Variants in GOLGB1 observed in about 807,000 individuals in gnomAD.
GOLGB1 encodes golgin B1.
In GOLGB1, 174 loss-of-function variants were observed where a neutral mutation model predicts 336.9. That is an observed-to-expected ratio of 0.52 (90% CI 0.46 to 0.59). The LOEUF (loss-of-function observed/expected upper bound fraction) is 0.59, where lower values mean the gene tolerates loss of function less well. Among genes scored for constraint, GOLGB1 ranks in the 20% least tolerant of loss-of-function variants. The pLI, the probability that GOLGB1 is intolerant of heterozygous loss-of-function variation, is 0.00. For synonymous variants in GOLGB1, 1,208 were observed against 1,289.2 expected (o/e 0.94, Z 1.35); for missense variants, 3,331 against 3,645.3 (o/e 0.91, Z 2.22).
intron 10 of GOLGB1, among the ~76,000 whole-genome samples, 154 bp downstream of exon 10, chr3:121,714,707 T>C (rs924650614): frequency 1.9e-4 from 29 of 152,208 alleles, no homozygotes; most frequent in Admixed American, 9.8e-4. Flanking sequence ...TCATGATTCC[T>C]TTCAAATAGA....
chr3:121,715,157 C>T (rs998929640), intron 9 of GOLGB1, among the ~76,000 whole-genome samples, 181 bp from the exon 10 acceptor site: 6 of 151,260 alleles, frequency 4.0e-5, no homozygotes, highest in African/African-American at 1.5e-4. Flanking sequence ...CAAAGGACAC[C>T]TCAGTAAATC....
chr3:121,705,544 G>C (rs559531201), intron 10 of GOLGB1, among the ~76,000 whole-genome samples: 4 of 152,284 alleles, frequency 2.6e-5, no homozygotes, highest in African/African-American at 4.8e-5. Context: ...TCCAAGAAGG[G>C]GGAACATAGG....
In GOLGB1 at chr3:121,697,472, C is replaced by T; in HGVS notation, c.3051G>A (p.Leu1017=). 6.2e-7 allele frequency: 1 copy of T among 1,611,302 alleles called. No individual in the cohort carries two copies. The change falls in exon 13 of 22, where the codon TTG becomes TTA. Residue 1017 remains leucine, a synonymous_variant. Transcript: ENST00000614479. ...CTTTCAAGTTGGCTAATTCTTCTTC[C>T]AATCTACTGACTCTTTGCAGAAGCT... is the stretch of plus-strand genomic sequence containing the variant. ...RKELLQRVSR[L]EEELANLKDE...
chr3:121,693,831 A>G lies in GOLGB1; in HGVS notation c.6692T>C (p.Ile2231Thr). 2 of 1,612,450 alleles carry G rather than the reference A, an allele frequency of 1.2e-6. No individual in the cohort carries two copies. Among genetic ancestry groups the G allele is most frequent in the Admixed American group, 1.7e-5 (1 of 60,004 alleles). The stretch of plus-strand genomic sequence containing the variant: ...ACTGCAATTATCTTCTTTGAGTCTA[A>G]TTTCTTCTTCTTTGCTTTGAATCGC... Reference protein sequence around the residue: ...SDAIQSKEEEIRLKEDNCSVL... With the variant: ...SDAIQSKEEETRLKEDNCSVL... The change falls in exon 13 of 22, where the codon ATT becomes ACT. Residue 2231 changes from isoleucine to threonine, a missense_variant. Transcript: ENST00000614479.
rs1345864312 is a variant in GOLGB1, at chr3:121,696,347, T to C, written c.4176A>G (p.Leu1392=). The C allele has an allele frequency of 5.6e-6, 9 of 1,614,098 alleles. No individual in the cohort carries two copies. The Admixed American group carries it at 1.5e-4, about 27-fold the overall frequency. ...SQLQIAGLEH[L]RELQPKLDEL... ...CATCCAGTTTAGGTTGCAATTCTCT[T>C]AGATGTTCTAGGCCAGCAATTTGTA... Residue 1392 remains leucine (L), a synonymous_variant, in exon 13 of 22, where the codon CTA becomes CTG. Coordinates refer to ENST00000614479, the MANE Select transcript of GOLGB1 (RefSeq NM_001366282.2).
Position 121,714,709 on chromosome 3 carries a change from T to G in GOLGB1, c.1404+152A>C. The G allele has an allele frequency of 3.2e-6, 2 of 622,298 alleles. 1 individual carries two copies. Among genetic ancestry groups the G allele is most frequent in the South Asian group, 3.5e-5 (2 of 56,456 alleles). 38.5% of individuals were successfully genotyped at this position (622,298 alleles called of 1,614,324 possible). A position where few individuals can be genotyped will look rare whatever the true frequency, so the allele number is the denominator to read the frequency against. ...GCATTAATGCCTTTCATGATTCCTT[T>G]CAAATAGAATTGTCCTCAAAAAAGT... On this transcript the variant is annotated intron_variant, in intron 10 of 21. Coordinates refer to ENST00000614479, the MANE Select transcript of GOLGB1 (RefSeq NM_001366282.2).
At chr3:121,667,346 T>C (rs1938769873) in intron 20 of GOLGB1, 130 bp downstream of exon 20, 6 of 922,678 alleles carry the variant, frequency 6.5e-6, no homozygotes, top group Non-Finnish European at 8.2e-6. Flanking sequence ...ACAATGTTGG[T>C]AAACTCATTG....
intron 10 of GOLGB1, among the ~76,000 whole-genome samples, chr3:121,706,868 T>G (rs928189418): frequency 1.3e-5 from 2 of 151,448 alleles, no homozygotes; most frequent in South Asian, 4.2e-4. Flanking sequence ...AAAAATAATC[T>G]TTCAACAACA....
intron 10 of GOLGB1, among the ~76,000 whole-genome samples, chr3:121,703,880 C>G (rs1576372389): frequency 6.6e-6 from 1 of 151,998 alleles, no homozygotes; most frequent in Non-Finnish European, 1.5e-5. Context: ...GCTATTATAT[C>G]TATGCTTAGG....
At position 121,690,968 on chromosome 3, in the gene GOLGB1, G is replaced by T. The variant is rs779408896; in HGVS notation, c.8396C>A (p.Ser2799Tyr). 7 of 1,614,174 alleles carry T rather than the reference G, an allele frequency of 4.3e-6. No individual in the cohort carries two copies. The highest frequency in any genetic ancestry group is 5.9e-6 in the Non-Finnish European group (7 of 1,180,020). ...LLSETAFSMN[S>Y]TEENSLSHLE... The stretch of plus-strand genomic sequence containing the variant: ...GTGAGACAAGCTATTCTCCTCAGTG[G>T]AGTTCATTGAAAAGGCGGTTTCAGA... Residue 2799 changes from serine (S) to tyrosine (Y), a missense_variant, in exon 14 of 22, where the codon TCC becomes TAC. Physicochemically the swap from Ser to Tyr is moderately radical, Grantham distance 144. Transcript: ENST00000614479.
chr3:121,703,825 AT>A (rs1460750133), intron 10 of GOLGB1, among the ~76,000 whole-genome samples: 1 of 152,214 alleles, frequency 6.6e-6, no homozygotes, highest in Non-Finnish European at 1.5e-5. Flanking sequence ...TAGCCATAAA[AT>A]GATGCAGATT....
intron 1 of GOLGB1, among the ~76,000 whole-genome samples, chr3:121,735,518 A>G (rs1182741777): frequency 1.3e-5 from 2 of 152,182 alleles, no homozygotes; most frequent in African/African-American, 4.8e-5. Flanking sequence ...GGTATGGGTT[A>G]GCAATTCTGA....
intron 17 of GOLGB1, among the ~76,000 whole-genome samples, chr3:121,672,719 G>A (rs910521579): frequency 1.3e-5 from 2 of 152,204 alleles, no homozygotes; most frequent in Non-Finnish European, 2.9e-5. Context: ...TCCATGTCCT[G>A]AAGCATTTCC....
Position 121,691,433 on chromosome 3 carries a change from T to A in GOLGB1, c.7931A>T (p.Glu2644Val). The change falls in exon 14 of 22, where the codon GAA becomes GTA. Residue 2644 changes from glutamate (E) to valine (V), a missense_variant. Glu to Val is a moderately radical substitution (Grantham distance 121, BLOSUM62 -2). Coordinates refer to ENST00000614479, the MANE Select transcript of GOLGB1 (RefSeq NM_001366282.2). ...LYHAQLKVKE[E>V]EVHRLSALFS... ...CAAAGCACTTAACCTGTGTACCTCT[T>A]CTTCTTTTACTTTTAACTGGGCATG... is the stretch of plus-strand genomic sequence containing the variant. The A allele has an allele frequency of 6.2e-7, 1 of 1,613,782 alleles. No individual in the cohort carries two copies. Among genetic ancestry groups the A allele is most frequent in the Non-Finnish European group, 8.5e-7 (1 of 1,179,992 alleles).
chr3:121,692,093 TG>T lies in GOLGB1; in HGVS notation c.7270del (p.Gln2424ArgfsTer9). On this transcript the variant is annotated frameshift_variant, in exon 14 of 22. Transcript: ENST00000614479. LOFTEE classifies it high-confidence loss of function. Reference sequence around the variant, plus strand: ...TAAAACAATATTCTCCTCTTCCTCCTGGGACAGCAGGTTTTCCAGCTCTTTA... The same window carrying T: ...TAAAACAATATTCTCCTCTTCCTCCTGGACAGCAGGTTTTCCAGCTCTTTA... ...EIKELENLLS[Q>X]EEEENIVLEE... The T allele has an allele frequency of 6.2e-7, 1 of 1,613,776 alleles. No individual in the cohort carries two copies. Among genetic ancestry groups the T allele is most frequent in the Non-Finnish European group, 8.5e-7 (1 of 1,179,828 alleles).
Position 121,722,328 on chromosome 3 carries a change from C to T in GOLGB1, c.582G>A (p.Glu194=). 1 of 1,612,856 alleles carries T rather than the reference C, an allele frequency of 6.2e-7. No individual in the cohort carries two copies. Among genetic ancestry groups the T allele is most frequent in the South Asian group, 1.1e-5 (1 of 91,068 alleles). Residue 194 remains glutamate (E), a synonymous_variant, in exon 6 of 22, where the codon GAG becomes GAA. Transcript: ENST00000614479. ...EFVMMKQQLQ[E]KEEFISTLQA... Reference sequence around the variant, plus strand: ...GTAAAGTGCTAATGAATTCTTCCTTCTCCTGGAGCTGTTGCTTCATCATTA... The same window carrying T: ...GTAAAGTGCTAATGAATTCTTCCTTTTCCTGGAGCTGTTGCTTCATCATTA...
chr3:121,698,282 C>T lies in GOLGB1; in HGVS notation c.2241G>A (p.Leu747=). The T allele has an allele frequency of 6.2e-7, 1 of 1,613,956 alleles. No individual in the cohort carries two copies. The highest frequency in any genetic ancestry group is 2.2e-5 in the East Asian group (1 of 44,884). ...ADNNSSAFTA[L]SEERDQLLSQ... ...AGAGAAGCTGGTCTCTTTCTTCAGA[C>T]AAAGCAGTGAATGCACTGCTGTTGT... The change falls in exon 13 of 22, where the codon TTG becomes TTA. Residue 747 remains leucine (L), a synonymous_variant. Coordinates refer to ENST00000614479, the MANE Select transcript of GOLGB1 (RefSeq NM_001366282.2).
At chr3:121,730,488 A>C (rs536681749) in intron 2 of GOLGB1, among the ~76,000 whole-genome samples, 14 of 152,332 alleles carry the variant, frequency 9.2e-5, no homozygotes, top group African/African-American at 3.4e-4. Flanking sequence ...CTATAGGAGA[A>C]GTGGTAAATG....
rs76346609 is a variant in GOLGB1, at chr3:121,704,070, G to C, written c.1405-1475C>G. The stretch of plus-strand genomic sequence containing the variant: ...CGACAGAAGAAAGTCTTGGTGAATT[G>C]AGGATGATAAATCAACTGAAATTAT... On this transcript the variant is annotated intron_variant, in intron 10 of 21. Coordinates refer to ENST00000614479, the MANE Select transcript of GOLGB1 (RefSeq NM_001366282.2). 2.4e-3 allele frequency among the ~76,000 whole-genome samples: 371 copies of C among 151,836 alleles called. 3 individuals are homozygous for C. Among genetic ancestry groups the C allele is most frequent in the African/African-American group, 8.7e-3 (359 of 41,404 alleles).
Sources: allele counts gnomAD v4.1 joint callset (sites outside exome capture counted in the v4.1 genomes callset), GRCh38; gene constraint gnomAD v4.1.1; transcripts MANE v1.5; gene names NCBI Gene and HGNC (gene_info 2026-07-23, HGNC 2026-07-21).